GANC: variants seen among roughly 807,000 people sequenced by gnomAD.
GANC encodes glucosidase alpha, neutral C, also known as neutral alpha-glucosidase C.
A neutral mutation model predicts 124.2 loss-of-function variants in GANC; 117 were observed. That is an observed-to-expected ratio of 0.94 (90% confidence interval 0.81 to 1.10). The LOEUF (loss-of-function observed/expected upper bound fraction) is 1.10, where lower values mean the gene tolerates loss of function less well. Ranked by LOEUF, GANC falls within the 50% of genes least tolerant of loss-of-function variation. The probability of loss-of-function intolerance (pLI) is 0.00; values close to 1 mark genes in which losing one functional copy is unlikely to be tolerated. For synonymous variants in GANC, 377 were observed against 376.8 expected (o/e 1.00, Z -0.01); for missense variants, 1,140 against 1,095.0 (o/e 1.04, Z -0.58).
chr15:42,310,912 G>T, intron 10 of GANC, 66 bp downstream of exon 10: 3 of 1,527,480 alleles, frequency 2.0e-6, no homozygotes, highest in Non-Finnish European at 9.0e-7. Flanking sequence ...GTGTCATCAC[G>T]GTAAGTTAAT....
At chr15:42,296,759 G>A (rs368218328) in intron 5 of GANC, among the ~76,000 whole-genome samples, 6 of 151,052 alleles carry the variant, frequency 4.0e-5, no homozygotes, top group East Asian at 3.9e-4. Flanking sequence ...ATTTGGATTC[G>A]TCTTTTCTAA....
In GANC at chr15:42,348,183, C is replaced by T; in HGVS notation, c.2385C>T (p.Ser795=). The part of the protein sequence containing the change: ...VGKSTGWMTE[S]SYGLRVALST... The stretch of plus-strand genomic sequence containing the variant: ...AATCCACAGGCTGGATGACTGAATC[C>T]TCCTATGGACTCCGGGTTGCTCTAA... The change falls in exon 21 of 24, where the codon TCC becomes TCT. Residue 795 remains serine, a synonymous_variant. Coordinates refer to ENST00000318010, the MANE Select transcript of GANC (RefSeq NM_198141.3). The T allele has an allele frequency of 1.9e-6, 3 of 1,612,050 alleles. No individual in the cohort carries two copies. The highest frequency in any genetic ancestry group is 2.2e-5 in the South Asian group (2 of 90,630).
chr15:42,333,087 T>C (rs564291623), intron 15 of GANC, among the ~76,000 whole-genome samples: 48 of 151,016 alleles, frequency 3.2e-4, no homozygotes, highest in African/African-American at 1.1e-3. Flanking sequence ...CCAGTACTTT[T>C]CTGAGGCAGG....
In GANC at chr15:42,353,111, T is replaced by G. The variant is rs1385679033; in HGVS notation, c.*972T>G. Reference sequence around the variant, plus strand: ...TTTCCTTTTGTCCCAGGCTCTAATATGGCTTGGCATGGGGCAGAACATTAC... The same window carrying G: ...TTTCCTTTTGTCCCAGGCTCTAATAGGGCTTGGCATGGGGCAGAACATTAC... On this transcript the variant is annotated 3_prime_UTR_variant, in exon 24 of 24. Coordinates refer to ENST00000318010, the MANE Select transcript of GANC (RefSeq NM_198141.3). 1 of 985,674 alleles carries G rather than the reference T, an allele frequency of 1.0e-6. No individual in the cohort carries two copies. Among genetic ancestry groups the G allele is most frequent in the Non-Finnish European group, 1.2e-6 (1 of 829,902 alleles). 61.1% of individuals were successfully genotyped at this position (985,674 alleles called of 1,614,324 possible).
chr15:42,330,231 C>T (rs1189320639), intron 14 of GANC, among the ~76,000 whole-genome samples: 2 of 152,176 alleles, frequency 1.3e-5, no homozygotes, highest in Non-Finnish European at 1.5e-5. Context: ...CTCTCTGAAG[C>T]TCAGTTTTTC....
intron 5 of GANC, among the ~76,000 whole-genome samples, chr15:42,295,976 T>A (rs776326329): frequency 2.6e-4 from 40 of 151,988 alleles, no homozygotes; most frequent in Non-Finnish European, 4.4e-4. Context: ...ACCCTGTCTC[T>A]ACTAAAAATA....
intron 10 of GANC, among the ~76,000 whole-genome samples, chr15:42,319,580 A>G (rs2412702): frequency 0.91 from 138,205 of 151,918 alleles, 64,222 homozygotes; most frequent in Non-Finnish European, 1. Context: ...GGTTAGTCTT[A>G]AACCCCTGGT....
chr15:42,321,756 T>G, intron 10 of GANC, 29 bp from the exon 11 acceptor site: 1 of 1,565,426 alleles, frequency 6.4e-7, no homozygotes. Context: ...GCCATGGCAG[T>G]TGACTCAGTT....
chr15:42,289,466 T>C (rs2051821292), intron 4 of GANC, among the ~76,000 whole-genome samples: 1 of 152,218 alleles, frequency 6.6e-6, no homozygotes, highest in Non-Finnish European at 1.5e-5. Context: ...TTCCTGGACA[T>C]GCAGCCTGGA....
intron 15 of GANC, among the ~76,000 whole-genome samples, chr15:42,336,679 C>G (rs1221651934): frequency 6.6e-6 from 1 of 152,072 alleles, no homozygotes; most frequent in Non-Finnish European, 1.5e-5. Flanking sequence ...AAGAAACTGT[C>G]AATAGAGTTA....
In GANC at chr15:42,352,196, C is replaced by T; in HGVS notation, c.*57C>T. 6.3e-7 allele frequency: 1 copy of T among 1,594,020 alleles called. No homozygotes were observed. The highest frequency in any genetic ancestry group is 8.5e-7 in the Non-Finnish European group (1 of 1,169,716). ...ACCTGCCTGCCCCTTTCAACCTTTC[C>T]CCTCACCTTTTTTGAGATTTTTGCT... On this transcript the variant is annotated 3_prime_UTR_variant, in exon 24 of 24. Transcript: ENST00000318010.
At position 42,273,535 on chromosome 15, in the gene GANC, G is replaced by A; in HGVS notation, c.-947G>A. ...GAGCTTGTTTGCTGTGCGGCGTAGC[G>A]GCCCCTCTCTCAGACAGTCGTCTGT... On this transcript the variant is annotated 5_prime_UTR_variant, in exon 1 of 24. Transcript: ENST00000318010. The A allele has an allele frequency of 2.1e-6, 3 of 1,423,274 alleles. No individual in the cohort carries two copies. Among genetic ancestry groups the A allele is most frequent in the Admixed American group, 2.3e-5 (1 of 43,618 alleles). The allele number at this position is 1,423,274 out of a possible 1,614,324, so 88.2% of individuals were successfully genotyped here. A position where few individuals can be genotyped will look rare whatever the true frequency, so the allele number is the denominator to read the frequency against.
chr15:42,343,041 T>C (rs772189195), intron 18 of GANC, 37 bp from the exon 19 acceptor site: 10 of 1,556,518 alleles, frequency 6.4e-6, no homozygotes, highest in East Asian at 2.2e-5. Flanking sequence ...AGACCTCTTA[T>C]AATGATACTC....
intron 3 of GANC, chr15:42,284,374 A>G (rs895572032): frequency 2.2e-5 from 4 of 185,892 alleles, no homozygotes; most frequent in Non-Finnish European, 4.4e-5. Context: ...AATATCTGGT[A>G]TTTTCGCCTA....
chr15:42,306,685 C>G (rs2051999897), intron 7 of GANC, 73 bp downstream of exon 7: 17 of 1,052,412 alleles, frequency 1.6e-5, no homozygotes, highest in Non-Finnish European at 2.4e-5. Context: ...CAAAAAGCCC[C>G]TTGATCTCTG....
chr15:42,317,025 C>G (rs1595776287), intron 10 of GANC, among the ~76,000 whole-genome samples: 1 of 152,206 alleles, frequency 6.6e-6, no homozygotes, highest in East Asian at 1.9e-4. Flanking sequence ...ATGATCATCT[C>G]TATATCTAAT....
intron 5 of GANC, among the ~76,000 whole-genome samples, chr15:42,295,655 CA>C (rs2051884034): frequency 1.4e-5 from 2 of 146,436 alleles, no homozygotes; most frequent in African/African-American, 5.2e-5. Flanking sequence ...CACACACACA[CA>C]CACACACACA....
At chr15:42,349,284 C>A in intron 21 of GANC, 99 bp from the exon 22 acceptor site, 1 of 760,206 alleles carries the variant, frequency 1.3e-6, no homozygotes, top group Admixed American at 2.2e-5. Context: ...TTGAATTTTT[C>A]ACAAACTTTT....
intron 11 of GANC, 63 bp downstream of exon 11, chr15:42,322,083 G>C: frequency 7.4e-7 from 1 of 1,354,460 alleles, no homozygotes; most frequent in Non-Finnish European, 1.0e-6. Context: ...TTTTAGACTT[G>C]CCTTGGCACA....
Sources: gnomAD v4.1 joint callset for allele counts (sites outside exome capture counted in the v4.1 genomes callset) on GRCh38, gnomAD v4.1.1 for gene constraint, MANE v1.5 for transcripts, NCBI Gene and HGNC (gene_info 2026-07-23, HGNC 2026-07-21) for gene names.